The following SH3RF2 variants were observed in gnomAD, a reference collection of about 807,000 sequenced individuals.
SH3RF2 encodes the protein E3 ubiquitin-protein ligase SH3RF2.
A neutral mutation model predicts 59.0 loss-of-function variants in SH3RF2; 43 were observed. The ratio of observed to expected loss-of-function variants is 0.73; its 90% confidence interval spans 0.57 to 0.94. SH3RF2 has a LOEUF of 0.94. SH3RF2 is among the 40% of genes least tolerant of loss of function. SH3RF2 has a pLI of 0.00. For missense variants in SH3RF2, 930 were observed against 940.1 expected, an observed-to-expected ratio of 0.99 and a Z score of 0.14; for synonymous variants, 391 against 391.5, an observed-to-expected ratio of 1.00 and a Z score of 0.01.
At chr5:145,998,369 G>A (rs1263395311) in intron 2 of SH3RF2, among the ~76,000 whole-genome samples, 2 of 151,378 alleles carry the variant, frequency 1.3e-5, no homozygotes, top group African/African-American at 2.4e-5. Flanking sequence ...ATATTTATAT[G>A]TATAATCATA....
chr5:145,942,271 C>T (rs1757845170), intron 2 of SH3RF2, among the ~76,000 whole-genome samples: 1 of 152,216 alleles, frequency 6.6e-6, no homozygotes, highest in Admixed American at 6.5e-5. Context: ...CTGCTTCTCA[C>T]TCTATTCCCC....
At chr5:145,986,186 C>T (rs1359073070) in intron 2 of SH3RF2, among the ~76,000 whole-genome samples, 1 of 152,268 alleles carries the variant, frequency 6.6e-6, no homozygotes, top group South Asian at 2.1e-4. Context: ...GGGCCACCTC[C>T]AGCCCCCAGG....
chr5:145,997,068 G>A (rs1467260220), intron 2 of SH3RF2: 5 of 548,878 alleles, frequency 9.1e-6, no homozygotes, highest in Non-Finnish European at 1.7e-5. Flanking sequence ...AGGTGTACAT[G>A]TGAAGGTTTG....
chr5:146,029,731 T>C (rs1385033650), intron 5 of SH3RF2, among the ~76,000 whole-genome samples: 4 of 152,182 alleles, frequency 2.6e-5, no homozygotes, highest in African/African-American at 7.2e-5. Context: ...GGCCCCTATA[T>C]CACAACCCTC....
intron 5 of SH3RF2, among the ~76,000 whole-genome samples, chr5:146,040,715 G>T (rs1231292838): frequency 6.6e-6 from 1 of 152,196 alleles, no homozygotes; most frequent in Non-Finnish European, 1.5e-5. Context: ...ATCTCAGACA[G>T]TGTTTTTACT....
intron 4 of SH3RF2, among the ~76,000 whole-genome samples, chr5:146,007,492 G>C (rs560295414): frequency 6.6e-6 from 1 of 152,164 alleles, no homozygotes; most frequent in Non-Finnish European, 1.5e-5. Context: ...AAGGACAGAC[G>C]TCAGCTGCAA....
intron 4 of SH3RF2, among the ~76,000 whole-genome samples, chr5:146,004,771 T>C (rs1760572258): frequency 6.6e-6 from 1 of 152,088 alleles, no homozygotes; most frequent in East Asian, 1.9e-4. Context: ...AGATTTATGA[T>C]TCATTGTTAA....
chr5:145,974,102 C>T (rs1449787632), intron 2 of SH3RF2, among the ~76,000 whole-genome samples: 1 of 152,118 alleles, frequency 6.6e-6, no homozygotes, highest in Non-Finnish European at 1.5e-5. Flanking sequence ...GTAGTCAGAA[C>T]ATTTCCTTGT....
At chr5:146,041,537 A>T (rs1224828223) in intron 5 of SH3RF2, among the ~76,000 whole-genome samples, 1 of 152,196 alleles carries the variant, frequency 6.6e-6, no homozygotes, top group Non-Finnish European at 1.5e-5. Context: ...TTGAGTCTAT[A>T]GAAGGGAATG....
At chr5:146,028,833 A>T (rs1761637815) in intron 5 of SH3RF2, among the ~76,000 whole-genome samples, 1 of 152,200 alleles carries the variant, frequency 6.6e-6, no homozygotes, top group Non-Finnish European at 1.5e-5. Flanking sequence ...GGCTTTGGGG[A>T]AACCTGACAC....
intron 4 of SH3RF2, among the ~76,000 whole-genome samples, chr5:146,011,391 C>G (rs975383004): frequency 6.6e-6 from 1 of 152,032 alleles, no homozygotes; most frequent in South Asian, 2.1e-4. Flanking sequence ...ATGAACTTTA[C>G]AGTAGTTTTT....
chr5:145,957,903 A>G (rs1168379393), intron 2 of SH3RF2, among the ~76,000 whole-genome samples: 1 of 152,228 alleles, frequency 6.6e-6, no homozygotes, highest in Non-Finnish European at 1.5e-5. Flanking sequence ...ATTTTAGGGC[A>G]GGAGTTTGAG....
intron 5 of SH3RF2, among the ~76,000 whole-genome samples, chr5:146,015,352 C>T (rs1465490925): frequency 6.6e-6 from 1 of 152,154 alleles, no homozygotes; most frequent in Non-Finnish European, 1.5e-5. Context: ...CTCCATTTCA[C>T]TCCCCTTGCT....
Position 146,060,084 on chromosome 5 carries a change from T to C in SH3RF2, c.1774T>C (p.Trp592Arg), listed in dbSNP as rs2962525. 1,609,537 of 1,614,086 alleles carry C rather than the reference T, an allele frequency of 1. 802,610 individuals are homozygous for C. Among genetic ancestry groups the C allele is most frequent in the Non-Finnish European group, 1 (1,179,917 of 1,180,004 alleles). Residue 592 changes from tryptophan (W) to arginine (R), a missense_variant, in exon 9 of 10, where the codon TGG becomes CGG. Coordinates refer to ENST00000359120, the MANE Select transcript of SH3RF2 (RefSeq NM_152550.4). The part of the protein sequence containing the change: ...LTCISRGSEA[W>R]IHSAASSLIM... Reference sequence around the variant, plus strand: ...GTGCATCAGCAGGGGCAGTGAGGCCTGGATCCACTCCGCGGCCAGCTCCCT... The same window carrying C: ...GTGCATCAGCAGGGGCAGTGAGGCCCGGATCCACTCCGCGGCCAGCTCCCT...
chr5:146,037,433 C>T (rs1761979621), intron 5 of SH3RF2, among the ~76,000 whole-genome samples: 1 of 152,188 alleles, frequency 6.6e-6, no homozygotes, highest in African/African-American at 2.4e-5. Flanking sequence ...AAGTAAGGCA[C>T]TGGGACTCTC....
downstream of SH3RF2, among the ~76,000 whole-genome samples, chr5:146,064,970 C>A (rs1478141674): frequency 6.6e-6 from 1 of 152,086 alleles, no homozygotes; most frequent in Non-Finnish European, 1.5e-5. Flanking sequence ...AAACATGTAT[C>A]TTTTACACAC....
At chr5:146,049,784 TC>T (rs769185556) in intron 7 of SH3RF2, among the ~76,000 whole-genome samples, 35 of 152,160 alleles carry the variant, frequency 2.3e-4, no homozygotes, top group Non-Finnish European at 3.8e-4. Context: ...CAGGGCCTCC[TC>T]CCTCACCGCT....
intron 5 of SH3RF2, among the ~76,000 whole-genome samples, chr5:146,030,392 G>A (rs924709808): frequency 3.9e-5 from 6 of 152,294 alleles, no homozygotes; most frequent in African/African-American, 1.2e-4. Flanking sequence ...ACTGGAGCAC[G>A]GAGAGAGTTT....
intron 6 of SH3RF2, 64 bp from the exon 7 acceptor site, chr5:146,049,011 C>G: frequency 1.3e-6 from 2 of 1,582,720 alleles, no homozygotes; most frequent in Non-Finnish European, 1.7e-6. Flanking sequence ...ACCATTCCCC[C>G]ACTCCATGCC....
Sources: allele counts gnomAD v4.1 joint callset (sites outside exome capture counted in the v4.1 genomes callset), GRCh38; gene constraint gnomAD v4.1.1; transcripts MANE v1.5; gene names NCBI Gene and HGNC (gene_info 2026-07-23, HGNC 2026-07-21).